The following RELN variants were observed in gnomAD, a reference collection of about 807,000 sequenced individuals.
RELN encodes the protein reelin.
A neutral mutation model predicts 427.6 loss-of-function variants in RELN; 108 were observed. The ratio of observed to expected loss-of-function variants is 0.25; its 90% confidence interval spans 0.22 to 0.30. RELN has a LOEUF of 0.30. Ranked by LOEUF, RELN falls within the 10% of genes least tolerant of loss-of-function variation. RELN has a pLI of 1.00. For missense variants in RELN, 3,715 were observed against 4,302.8 expected (o/e 0.86, Z 3.82); for synonymous variants, 1,524 against 1,513.4 (o/e 1.01, Z -0.16).
rs959311223 is a variant in RELN, at chr7:103,661,322, G to A, written c.1441+54C>T. On this transcript the variant is annotated intron_variant, in intron 12 of 64. Coordinates refer to ENST00000428762, the MANE Select transcript of RELN (RefSeq NM_005045.4). Reference sequence around the variant, plus strand: ...AACAATCTTACTTCCTCAGGAATAGGTGCTGGCCTAGGATTTGCCCCACGG... The same window carrying A: ...AACAATCTTACTTCCTCAGGAATAGATGCTGGCCTAGGATTTGCCCCACGG... The A allele has an allele frequency of 2.0e-5, 32 of 1,564,050 alleles. No homozygotes were observed. The Admixed American group carries it at 4.0e-4, about 20-fold the overall frequency.
rs764854849 is a variant in RELN, at chr7:103,478,393, C to A, written c.10282G>T (p.Val3428Leu). Residue 3428 changes from valine to leucine, a missense_variant and splice_region_variant, in exon 64 of 65, where the codon GTA becomes TTA. Around this residue, in one of 4 missense-constraint regions of RELN, gnomAD observed 195 missense variants for 281.3 expected, o/e 0.69. Transcript: ENST00000428762. ...WALDHVEVVL[V>L]STRKQNYMMN... ...GATTTAGTAAGGAGGACTTACCTTA[C>A]TCTAGTGGAAAACCAATGACAGCAA... 4.0e-6 allele frequency: 3 copies of A among 757,902 alleles called. No homozygotes were observed. Among genetic ancestry groups the A allele is most frequent in the Non-Finnish European group, 7.2e-6 (3 of 414,062 alleles). 46.9% of individuals were successfully genotyped at this position (757,902 alleles called of 1,614,324 possible).
intron 2 of RELN, among the ~76,000 whole-genome samples, chr7:103,910,105 T>A (rs567929403): frequency 3.6e-4 from 45 of 125,094 alleles, no homozygotes; most frequent in African/African-American, 1.4e-3. Flanking sequence ...TGGTTTGTAG[T>A]TCTCCTTGAA....
Position 103,724,912 on chromosome 7 carries a change from T to C in RELN, c.754-1721A>G, listed in dbSNP as rs116128246. 9.7e-3 allele frequency among the ~76,000 whole-genome samples: 1,467 copies of C among 151,998 alleles called. 27 individuals are homozygous for C. The highest frequency in any genetic ancestry group is 0.033 in the African/African-American group (1,385 of 41,518). On this transcript the variant is annotated intron_variant, in intron 7 of 64. Transcript: ENST00000428762. ...AATAAATATAAATTATACCTATATT[T>C]ATAATTGGGTAATATAAATTATTAA...
At chr7:103,565,107 C>T (rs761840078) in intron 34 of RELN, among the ~76,000 whole-genome samples, 171 bp downstream of exon 34, 2 of 152,170 alleles carry the variant, frequency 1.3e-5, no homozygotes, top group Non-Finnish European at 2.9e-5. Flanking sequence ...TGCTCTCTAG[C>T]CACATTTAAA....
Position 103,814,733 on chromosome 7 carries a change from G to A in RELN, c.473+18804C>T, listed in dbSNP as rs112019758. ...GATGAAAAGGGAAGTAGAAGCCTTGGGTTCTACTGTGGGCTGTCACCATGT... is the reference window on the plus strand; with the variant it reads ...GATGAAAAGGGAAGTAGAAGCCTTGAGTTCTACTGTGGGCTGTCACCATGT... On this transcript the variant is annotated intron_variant, in intron 3 of 64. Transcript: ENST00000428762. Among the ~76,000 whole-genome samples the A allele has an allele frequency of 3.1e-3, 475 of 150,904 alleles. 3 individuals are homozygous for A. The highest frequency in any genetic ancestry group is 0.011 in the African/African-American group (434 of 41,016).
At chr7:103,777,657 C>T (rs1791778563) in intron 3 of RELN, among the ~76,000 whole-genome samples, 2 of 152,216 alleles carry the variant, frequency 1.3e-5, no homozygotes, top group South Asian at 4.2e-4. Context: ...AGTAGGGCTT[C>T]CTGGCTCCCA....
At position 103,840,029 on chromosome 7, in the gene RELN, T is replaced by C. The variant is rs117487651; in HGVS notation, c.338-6357A>G. Among the ~76,000 whole-genome samples, 19 of 152,332 alleles carry C rather than the reference T, an allele frequency of 1.2e-4. No individual in the cohort carries two copies. The East Asian group carries it at 3.3e-3, about 26-fold the overall frequency. ...ACTTCTCTTTCTCTCTCTCCGGCCA[T>C]ATGAAAACATACTTGCTTCCCCTTC... On this transcript the variant is annotated intron_variant, in intron 2 of 64. Transcript: ENST00000428762.
At chr7:103,939,557 C>A (rs1049920391) in intron 1 of RELN, among the ~76,000 whole-genome samples, 8 of 152,136 alleles carry the variant, frequency 5.3e-5, no homozygotes, top group African/African-American at 1.9e-4. Flanking sequence ...GTTGGTATAA[C>A]CATTCTTTGT....
intron 53 of RELN, among the ~76,000 whole-genome samples, chr7:103,499,957 C>T (rs1396571062): frequency 6.6e-6 from 1 of 152,142 alleles, no homozygotes; most frequent in East Asian, 1.9e-4. Context: ...CACAAATGAG[C>T]ATTGTTCCAA....
intron 36 of RELN, among the ~76,000 whole-genome samples, chr7:103,560,552 T>C (rs1830619678): frequency 6.6e-6 from 1 of 152,236 alleles, no homozygotes; most frequent in Non-Finnish European, 1.5e-5. Context: ...GGACTTCTGC[T>C]TTTTAGTCTT....
At chr7:103,725,970 TG>T (rs1456738255) in intron 7 of RELN, among the ~76,000 whole-genome samples, 2 of 152,176 alleles carry the variant, frequency 1.3e-5, no homozygotes, top group Non-Finnish European at 2.9e-5. Flanking sequence ...TCTTTGCTCG[TG>T]GTTCTTTTTC....
chr7:103,755,819 A>AAAAAG (rs1162106876), intron 4 of RELN, among the ~76,000 whole-genome samples: 21 of 149,238 alleles, frequency 1.4e-4, no homozygotes, highest in African/African-American at 5.1e-4. Context: ...CCTCAAGAAA[A>AAAAAG]AAAAAAAAAA....
At chr7:103,828,196 C>T (rs956646907) in intron 3 of RELN, among the ~76,000 whole-genome samples, 2 of 152,028 alleles carry the variant, frequency 1.3e-5, no homozygotes, top group Admixed American at 6.6e-5. Flanking sequence ...AAATTAAAGG[C>T]ATCTGAGATA....
In RELN at chr7:103,496,787, C is replaced by A; in HGVS notation, c.8951-19G>T. 6.2e-7 allele frequency: 1 copy of A among 1,612,502 alleles called. No homozygotes were observed. Among genetic ancestry groups the A allele is most frequent in the South Asian group, 1.1e-5 (1 of 90,854 alleles). ...GTAATTCCTATAATAACAAATATACCAACATAGCAATATATCTAGAATCTC... is the reference window on the plus strand; with the variant it reads ...GTAATTCCTATAATAACAAATATACAAACATAGCAATATATCTAGAATCTC... On this transcript the variant is annotated intron_variant, in intron 55 of 64. Coordinates refer to ENST00000428762, the MANE Select transcript of RELN (RefSeq NM_005045.4).
intron 1 of RELN, among the ~76,000 whole-genome samples, chr7:103,987,205 T>C (rs1797121248): frequency 6.6e-6 from 1 of 152,222 alleles, no homozygotes; most frequent in African/African-American, 2.4e-5. Flanking sequence ...TAATTTGACC[T>C]TTCATAACTT....
intron 42 of RELN, among the ~76,000 whole-genome samples, chr7:103,543,452 C>A (rs1830218403): frequency 6.6e-6 from 1 of 152,062 alleles, no homozygotes; most frequent in South Asian, 2.1e-4. Context: ...TCGAGACCAG[C>A]CCGGCCAACA....
At chr7:103,489,961 G>A in intron 59 of RELN, 62 bp from the exon 60 acceptor site, 2 of 1,589,200 alleles carry the variant, frequency 1.3e-6, no homozygotes, top group East Asian at 2.2e-5. Flanking sequence ...GCTGCATCCT[G>A]CCTCCAGCCT....
chr7:103,794,196 C>A (rs1290035247), intron 3 of RELN, among the ~76,000 whole-genome samples: 2 of 152,076 alleles, frequency 1.3e-5, no homozygotes, highest in African/African-American at 4.8e-5. Context: ...ATACACATTG[C>A]CATGCTCCAC....
intron 4 of RELN, among the ~76,000 whole-genome samples, chr7:103,768,798 T>C (rs1361945676): frequency 6.6e-6 from 1 of 152,180 alleles, no homozygotes; most frequent in Admixed American, 6.5e-5. Context: ...AGTCACCATA[T>C]AGGAGGAGAC....
Sources: allele counts gnomAD v4.1 joint callset (sites outside exome capture counted in the v4.1 genomes callset), GRCh38; gene constraint gnomAD v4.1.1; regional missense constraint gnomAD v4.1.1; transcripts MANE v1.5; gene names NCBI Gene and HGNC (gene_info 2026-07-23, HGNC 2026-07-21).